Variants in ORC5 observed in about 807,000 individuals in gnomAD.
The protein encoded by ORC5 is protein phosphatase 1, regulatory subunit 117.
ORC5 carries 39 observed loss-of-function variants against 58.8 expected under a neutral mutation model. That is an observed-to-expected ratio of 0.66 (90% CI 0.51 to 0.87). The LOEUF (loss-of-function observed/expected upper bound fraction) is 0.87, where lower values mean the gene tolerates loss of function less well. Among genes scored for constraint, ORC5 ranks in the 40% least tolerant of loss-of-function variants. The pLI is 0.00. For missense variants in ORC5, 493 were observed against 506.3 expected (o/e 0.97, Z 0.25); for synonymous variants, 218 against 177.6 (o/e 1.23, Z -1.81).
chr7:104,168,851 A>G (rs1799156335), intron 8 of ORC5, among the ~76,000 whole-genome samples: 1 of 152,076 alleles, frequency 6.6e-6, no homozygotes, highest in Non-Finnish European at 1.5e-5. Context: ...GGAGGCCAAG[A>G]TAGGAGGATC....
chr7:104,167,719 T>C (rs902873511), intron 9 of ORC5, among the ~76,000 whole-genome samples: 3 of 152,192 alleles, frequency 2.0e-5, no homozygotes, highest in African/African-American at 4.8e-5. Context: ...CTTTGAATCT[T>C]TGCAGTAATG....
At chr7:104,164,376 A>T (rs1346523231) in intron 11 of ORC5, among the ~76,000 whole-genome samples, 1 of 152,186 alleles carries the variant, frequency 6.6e-6, no homozygotes, top group African/African-American at 2.4e-5. Flanking sequence ...GTGAGCCATG[A>T]TCACGCCATT....
chr7:104,206,535 AT>A (rs1800088512), intron 1 of ORC5, among the ~76,000 whole-genome samples: 1 of 152,184 alleles, frequency 6.6e-6, no homozygotes, highest in African/African-American at 2.4e-5. Flanking sequence ...TCCAGTAATA[AT>A]ATAACTATAA....
chr7:104,191,119 G>GAAAA (rs749674288), intron 5 of ORC5, among the ~76,000 whole-genome samples: 1 of 78,866 alleles, frequency 1.3e-5, no homozygotes, highest in African/African-American at 4.4e-5. Flanking sequence ...CAAAACTGCT[G>GAAAA]AAAAAAAAAA....
At chr7:104,131,352 C>G (rs194845) in intron 13 of ORC5, among the ~76,000 whole-genome samples, 19,345 of 152,132 alleles carry the variant, frequency 0.13, 2,593 homozygotes, top group East Asian at 0.46. Flanking sequence ...TCCGCTCTCT[C>G]ATCTACAGCT....
intron 6 of ORC5, among the ~76,000 whole-genome samples, chr7:104,185,491 T>G (rs1799525140): frequency 6.6e-6 from 1 of 152,182 alleles, no homozygotes; most frequent in Admixed American, 6.5e-5. Context: ...CTGAACATTC[T>G]CATAAACTAA....
intron 5 of ORC5, among the ~76,000 whole-genome samples, chr7:104,193,562 T>C (rs905342150): frequency 3.9e-5 from 6 of 152,182 alleles, no homozygotes; most frequent in Admixed American, 1.3e-4. Context: ...TCAGACACCA[T>C]ATTCCTGAAA....
At chr7:104,188,201 C>A in intron 6 of ORC5, 50 bp downstream of exon 6, 1 of 1,254,156 alleles carries the variant, frequency 8.0e-7, no homozygotes, top group Non-Finnish European at 1.2e-6. Flanking sequence ...TGTATACACA[C>A]ACACACACAC....
intron 3 of ORC5, 111 bp from the exon 4 acceptor site, chr7:104,197,910 G>A (rs1799841364): frequency 1.6e-6 from 1 of 609,982 alleles, no homozygotes; most frequent in Non-Finnish European, 2.8e-6. Flanking sequence ...TTAATCCCCA[G>A]TGTGGCAGTA....
intron 1 of ORC5, 22 bp downstream of exon 1, chr7:104,207,811 G>C: frequency 6.2e-7 from 1 of 1,606,532 alleles, no homozygotes; most frequent in Non-Finnish European, 8.5e-7. Context: ...CCAGGATCTG[G>C]AAGACAGTTT....
chr7:104,153,050 T>C (rs1412676123), intron 12 of ORC5, among the ~76,000 whole-genome samples: 1 of 152,168 alleles, frequency 6.6e-6, no homozygotes, highest in Admixed American at 6.6e-5. Context: ...ACACTGTTCT[T>C]TTACATATGA....
At chr7:104,191,085 G>A (rs776808762) in intron 5 of ORC5, among the ~76,000 whole-genome samples, 6 of 138,660 alleles carry the variant, frequency 4.3e-5, no homozygotes, top group Admixed American at 1.5e-4. Flanking sequence ...ATGAGACACT[G>A]TTACTGAATT....
At chr7:104,155,186 A>T (rs943287022) in intron 12 of ORC5, among the ~76,000 whole-genome samples, 1 of 151,778 alleles carries the variant, frequency 6.6e-6, no homozygotes, top group African/African-American at 2.4e-5. Flanking sequence ...GTAACAAATA[A>T]CTCCAAGTGT....
intron 12 of ORC5, among the ~76,000 whole-genome samples, chr7:104,150,660 C>A (rs768826147): frequency 6.6e-6 from 1 of 152,072 alleles, no homozygotes; most frequent in Non-Finnish European, 1.5e-5. Context: ...ATCTCTGGAA[C>A]TTTTTAGCAT....
intron 4 of ORC5, among the ~76,000 whole-genome samples, chr7:104,196,087 TGAG>T (rs1369948881): frequency 6.6e-6 from 1 of 152,234 alleles, no homozygotes; most frequent in Admixed American, 6.5e-5. Context: ...CCAGTTCAGC[TGAG>T]ATTACTCTAA....
Position 104,138,285 on chromosome 7 carries a change from C to T in ORC5, c.1150-1392G>A, listed in dbSNP as rs983439260. Among the ~76,000 whole-genome samples, 4 of 152,132 alleles carry T rather than the reference C, an allele frequency of 2.6e-5. No individual in the cohort carries two copies. Among genetic ancestry groups the T allele is most frequent in the African/African-American group, 4.8e-5 (2 of 41,420 alleles). ...TTGTTTCATTACTCAGACACATGAC[C>T]GCTAAACCTTTAAAAGCTGCAAATA... On this transcript the variant is annotated intron_variant, in intron 12 of 13. Transcript: ENST00000297431. This position sits in a 1 kb window ranked among gnomAD's most constrained non-coding sequence, Gnocchi z 4.7.
At chr7:104,193,879 A>G (rs1263447741) in intron 5 of ORC5, among the ~76,000 whole-genome samples, 1 of 151,726 alleles carries the variant, frequency 6.6e-6, no homozygotes, top group African/African-American at 2.4e-5. Flanking sequence ...ACTTTCATCT[A>G]TGCTGCTTTG....
intron 8 of ORC5, among the ~76,000 whole-genome samples, chr7:104,183,067 A>G (rs1156285170): frequency 2.0e-5 from 3 of 152,158 alleles, no homozygotes; most frequent in Non-Finnish European, 4.4e-5. Context: ...CCCAGGAGGC[A>G]GAGGTTGCAG....
intron 12 of ORC5, among the ~76,000 whole-genome samples, chr7:104,147,514 A>G (rs1273662043): frequency 6.6e-6 from 1 of 152,176 alleles, no homozygotes; most frequent in Non-Finnish European, 1.5e-5. Context: ...TTGCACAGTA[A>G]AATTCTGAGC....
Sources: allele counts gnomAD v4.1 joint callset (sites outside exome capture counted in the v4.1 genomes callset), GRCh38; gene constraint gnomAD v4.1.1; non-coding constraint Gnocchi (gnomAD v3.1); transcripts MANE v1.5; gene names NCBI Gene and HGNC (gene_info 2026-07-23, HGNC 2026-07-21).